LRSAM1: variants seen among roughly 807,000 people sequenced by gnomAD.
LRSAM1 encodes the protein E3 ubiquitin-protein ligase LRSAM1.
Under a neutral mutation model 118.1 loss-of-function variants are expected in LRSAM1, and 96 were observed. The ratio of observed to expected loss-of-function variants is 0.81; its 90% CI spans 0.69 to 0.96. The LOEUF (loss-of-function observed/expected upper bound fraction) is 0.96, where lower values mean the gene tolerates loss of function less well. Among genes scored for constraint, LRSAM1 ranks in the 40% least tolerant of loss-of-function variants. LRSAM1 has a pLI of 0.00. For synonymous variants in LRSAM1, 322 were observed against 364.2 expected (o/e 0.88, Z 1.32); for missense variants, 804 against 915.5 (o/e 0.88, Z 1.57).
At chr9:127,500,901 C>G in intron 24 of LRSAM1, 109 bp from the exon 25 acceptor site, 1 of 1,497,810 alleles carries the variant, frequency 6.7e-7, no homozygotes, top group Non-Finnish European at 9.2e-7. Flanking sequence ...AGAGGCTCCC[C>G]CACCCTCCAG....
intron 17 of LRSAM1, 98 bp downstream of exon 17, chr9:127,485,933 T>C (rs982931913): frequency 5.3e-5 from 60 of 1,131,996 alleles, no homozygotes; most frequent in Middle Eastern, 4.1e-4. Flanking sequence ...CCTCCCGCCC[T>C]GGGCCACCCC....
chr9:127,454,426 G>T, intron 2 of LRSAM1, 70 bp from the exon 3 acceptor site: 1 of 1,158,104 alleles, frequency 8.6e-7, no homozygotes, highest in Non-Finnish European at 1.3e-6. Context: ...CTGTGTTACT[G>T]CACTACCTGT....
At chr9:127,456,803 T>C (rs1481297017) in intron 5 of LRSAM1, among the ~76,000 whole-genome samples, 3 of 150,916 alleles carry the variant, frequency 2.0e-5, no homozygotes, top group Non-Finnish European at 4.4e-5. Context: ...GAGGCGGAGG[T>C]TGCAGTGAGC....
rs1399310512 is a variant in LRSAM1 at position 127,462,282 on chromosome 9, T to C, written c.437T>C (p.Val146Ala). The change falls in exon 9 of 26, where the codon GTG becomes GCG. Residue 146 changes from valine (V) to alanine (A), a missense_variant. By Grantham distance (64) the Val-to-Ala change is moderately conservative (BLOSUM62 0). Transcript: ENST00000300417. ...DNKLKELPDT[V>A]GELRSLRTLN... is the part of the protein sequence containing the mutation. ...AAGCTGAAGGAGCTTCCAGACACCG[T>C]GGGGGAGCTTCGAAGCCTGCGTACC... 6.2e-7 allele frequency: 1 copy of C among 1,613,908 alleles called. No individual in the cohort carries two copies. Among genetic ancestry groups the C allele is most frequent in the South Asian group, 1.1e-5 (1 of 91,070 alleles).
Position 127,503,087 on chromosome 9 carries a change from C to A in LRSAM1, c.*188C>A. On this transcript the variant is annotated 3_prime_UTR_variant, in exon 26 of 26. Coordinates refer to ENST00000300417, the MANE Select transcript of LRSAM1 (RefSeq NM_001005373.4). ...TGGGCCAGGCAGAGGTGCTCCTCAT[C>A]CATGACACCACCAGTCTGAATGGTC... 1 of 722,900 alleles carries A rather than the reference C, an allele frequency of 1.4e-6. No individual in the cohort carries two copies. The allele number at this position is 722,900 out of a possible 1,614,324, so 44.8% of individuals were successfully genotyped here.
chr9:127,487,749 CAGATCCTGCAGG>C lies in LRSAM1; in HGVS notation c.1336_1347del (p.Ile446_Glu449del). 6.2e-7 allele frequency: 1 copy of C among 1,612,914 alleles called. No homozygotes were observed. The highest frequency in any genetic ancestry group is 8.5e-7 in the Non-Finnish European group (1 of 1,179,480). ...AATGGATCAGAACAAAGCCATCAGCCAGATCCTGCAGGAGGTGAGCCCTCGCCCAGAGCCTGA... is the reference window on the plus strand; with the variant it reads ...AATGGATCAGAACAAAGCCATCAGCCAGGTGAGCCCTCGCCCAGAGCCTGA... On this transcript the variant is annotated inframe_deletion and splice_region_variant, in exon 18 of 26. Coordinates refer to ENST00000300417, the MANE Select transcript of LRSAM1 (RefSeq NM_001005373.4).
chr9:127,479,733 G>A, intron 13 of LRSAM1, 106 bp from the exon 14 acceptor site: 1 of 1,489,866 alleles, frequency 6.7e-7, no homozygotes, highest in Non-Finnish European at 9.1e-7. Flanking sequence ...CACACAAAAA[G>A]GATTGGCAAG....
At chr9:127,457,605 G>A (rs1834568405) in intron 6 of LRSAM1, among the ~76,000 whole-genome samples, 1 of 152,220 alleles carries the variant, frequency 6.6e-6, no homozygotes, top group East Asian at 1.9e-4. Flanking sequence ...CTGTCCCTGG[G>A]GAGTTTACAT....
At chr9:127,479,563 T>C (rs1835456936) in intron 13 of LRSAM1, 58 bp downstream of exon 13, 2 of 1,607,876 alleles carry the variant, frequency 1.2e-6, no homozygotes, top group Non-Finnish European at 1.7e-6. Flanking sequence ...AGTGGCCTCC[T>C]GGCTTGGGCC....
At position 127,481,183 on chromosome 9, in the gene LRSAM1, A is replaced by G. The variant is rs1216700039; in HGVS notation, c.1044A>G (p.Arg348=). ...RIQKLLQDNQ[R]QKKSSEILKS... The stretch of plus-strand genomic sequence containing the variant: ...GGACCTTTTATGATTTTCTCCACAG[A>G]CAAAAGAAAAGCTCCGAGATTTTGA... Residue 348 remains arginine, a splice_region_variant and synonymous_variant, in exon 15 of 26, where the codon AGA becomes AGG. Coordinates refer to ENST00000300417, the MANE Select transcript of LRSAM1 (RefSeq NM_001005373.4). 6.2e-7 allele frequency: 1 copy of G among 1,614,022 alleles called. No individual in the cohort carries two copies. Among genetic ancestry groups the G allele is most frequent in the Admixed American group, 1.7e-5 (1 of 60,018 alleles).
At chr9:127,456,690 C>G (rs1017980266) in intron 5 of LRSAM1, among the ~76,000 whole-genome samples, 12 of 151,894 alleles carry the variant, frequency 7.9e-5, no homozygotes, top group African/African-American at 2.7e-4. Context: ...TGGTGAAACC[C>G]GGTCTCTACC....
At chr9:127,455,916 G>A (rs1479126582) in intron 5 of LRSAM1, among the ~76,000 whole-genome samples, 1 of 152,154 alleles carries the variant, frequency 6.6e-6, no homozygotes, top group African/African-American at 2.4e-5. Flanking sequence ...TCTCCTTCCT[G>A]AGGTATTGTG....
In LRSAM1 at chr9:127,501,157, C is replaced by T. The variant is rs1391060584; in HGVS notation, c.2046+14C>T. The T allele has an allele frequency of 1.2e-6, 2 of 1,610,924 alleles. No homozygotes were observed. Among genetic ancestry groups the T allele is most frequent in the East Asian group, 4.5e-5 (2 of 44,774 alleles). Reference sequence around the variant, plus strand: ...CTGGAACGGGAGGTAAGTCCGGGGCCCTCCCCACCCGCCTGCCCTGCCTGT... The same window carrying T: ...CTGGAACGGGAGGTAAGTCCGGGGCTCTCCCCACCCGCCTGCCCTGCCTGT... On this transcript the variant is annotated intron_variant, in intron 25 of 25. Transcript: ENST00000300417.
At chr9:127,482,154 T>C (rs1327826138) in intron 15 of LRSAM1, among the ~76,000 whole-genome samples, 1 of 149,254 alleles carries the variant, frequency 6.7e-6, no homozygotes, top group African/African-American at 2.5e-5. Flanking sequence ...TTTTTTTTTT[T>C]TTTTTTGAGA....
intron 9 of LRSAM1, among the ~76,000 whole-genome samples, chr9:127,466,440 T>C (rs898744559): frequency 7.0e-6 from 1 of 142,716 alleles, no homozygotes; most frequent in African/African-American, 2.6e-5. Flanking sequence ...TGTATGAATA[T>C]ATTATATGAA....
chr9:127,496,915 C>A (rs1458326329), intron 23 of LRSAM1, among the ~76,000 whole-genome samples: 1 of 152,274 alleles, frequency 6.6e-6, no homozygotes, highest in Non-Finnish European at 1.5e-5. Context: ...TCCTCCCCCA[C>A]CTGGTGGGGA....
chr9:127,501,867 T>C (rs1836406602), intron 25 of LRSAM1, among the ~76,000 whole-genome samples: 1 of 152,248 alleles, frequency 6.6e-6, no homozygotes, highest in Non-Finnish European at 1.5e-5. Context: ...TGTTTGCAGT[T>C]TGATGATTCC....
In LRSAM1 at chr9:127,496,218, C is replaced by T. The variant is rs572942317; in HGVS notation, c.1830+123C>T. 66 of 1,410,500 alleles carry T rather than the reference C, an allele frequency of 4.7e-5. 1 individual carries two copies. The Admixed American group carries it at 8.9e-4, about 19-fold the overall frequency. 87.4% of individuals were successfully genotyped at this position (1,410,500 alleles called of 1,614,324 possible). A position where few individuals can be genotyped will look rare whatever the true frequency, so the allele number is the denominator to read the frequency against. ...CCTGTCCTTACCTAATGGCCCAGGG[C>T]CACCTTGCTTCCAGATGGCCAGAAC... is the stretch of plus-strand genomic sequence containing the variant. On this transcript the variant is annotated intron_variant, in intron 23 of 25. Transcript: ENST00000300417.
intron 15 of LRSAM1, 116 bp downstream of exon 15, chr9:127,481,343 C>A: frequency 9.1e-7 from 1 of 1,096,236 alleles, no homozygotes; most frequent in Non-Finnish European, 1.3e-6. Context: ...ACCCCCGCCG[C>A]CCAGGTCCAA....
Sources: allele counts gnomAD v4.1 joint callset (sites outside exome capture counted in the v4.1 genomes callset), GRCh38; gene constraint gnomAD v4.1.1; transcripts MANE v1.5; gene names NCBI Gene and HGNC (gene_info 2026-07-23, HGNC 2026-07-21).